Variants in RIN2 observed in about 807,000 individuals in gnomAD.
RIN2 encodes the protein Ras and Rab interactor 2.
In RIN2, 36 loss-of-function variants were observed where a neutral mutation model predicts 78.0. That is an observed-to-expected ratio of 0.46 (90% confidence interval 0.35 to 0.61). RIN2 has a LOEUF of 0.61. RIN2 is among the 20% of genes least tolerant of loss of function. The pLI is 0.00. For synonymous variants in RIN2, 466 were observed against 466.8 expected (o/e 1.00, Z 0.02); for missense variants, 1,087 against 1,159.7 (o/e 0.94, Z 0.91).
rs56187250 is a variant in RIN2, at chr20:19,849,175, A to G, written c.-36-40391A>G. 5.6e-3 allele frequency among the ~76,000 whole-genome samples: 858 copies of G among 152,332 alleles called. 5 individuals carry two copies. The highest frequency in any genetic ancestry group is 0.019 in the African/African-American group (800 of 41,558). On this transcript the variant is annotated intron_variant, in intron 2 of 12. Transcript: ENST00000255006. ...ACCACCAGATTTTGCAAATTAAAAA[A>G]AAAAAATTCTGGTTCCCTGTGAGCT...
chr20:19,949,783 G>A (rs11699866), intron 4 of RIN2, among the ~76,000 whole-genome samples: 8,925 of 152,272 alleles, frequency 0.059, 311 homozygotes, highest in African/African-American at 0.085. Flanking sequence ...TAGGGGCTGC[G>A]CTGGTAGACT....
At chr20:19,859,975 G>T (rs1419868468) in intron 2 of RIN2, among the ~76,000 whole-genome samples, 3 of 152,188 alleles carry the variant, frequency 2.0e-5, no homozygotes, top group Non-Finnish European at 4.4e-5. Flanking sequence ...ATCAAGCCTG[G>T]CACCCCTGTG....
In RIN2 at chr20:19,992,880, G is replaced by A. The variant is rs553700700; in HGVS notation, c.2200+581G>A. On this transcript the variant is annotated intron_variant, in intron 11 of 12. Coordinates refer to ENST00000255006, the MANE Select transcript of RIN2 (RefSeq NM_018993.4). ...CTTTGTTTTTATTTTTTAAAATTTC[G>A]TTTTCAAGGTGAAAACAGTATTAAT... 2.4e-4 allele frequency among the ~76,000 whole-genome samples: 36 copies of A among 151,968 alleles called. No individual in the cohort carries two copies. The South Asian group carries it at 5.6e-3, about 24-fold the overall frequency.
intron 1 of RIN2, among the ~76,000 whole-genome samples, chr20:19,760,121 C>A (rs2033575914): frequency 6.6e-6 from 1 of 152,210 alleles, no homozygotes; most frequent in Non-Finnish European, 1.5e-5. Context: ...GCCTCAGGTT[C>A]CAATATTGCC....
chr20:19,963,490 T>A (rs1002590626), intron 6 of RIN2, among the ~76,000 whole-genome samples: 3 of 151,522 alleles, frequency 2.0e-5, no homozygotes, highest in Non-Finnish European at 4.4e-5. Context: ...ATGCCTGTAA[T>A]CCCAGCTACT....
intron 10 of RIN2, 99 bp downstream of exon 10, chr20:19,990,410 T>C: frequency 8.4e-7 from 1 of 1,188,208 alleles, no homozygotes; most frequent in Non-Finnish European, 1.2e-6. Context: ...TTCTCCTCCC[T>C]TTGGTCTCTT....
intron 2 of RIN2, among the ~76,000 whole-genome samples, chr20:19,877,644 C>G (rs2037896757): frequency 6.6e-6 from 1 of 152,102 alleles, no homozygotes; most frequent in Non-Finnish European, 1.5e-5. Flanking sequence ...GCAAGTGCCA[C>G]AAGGATGTAA....
At chr20:19,824,607 T>C (rs2036028962) in intron 2 of RIN2, among the ~76,000 whole-genome samples, 1 of 152,098 alleles carries the variant, frequency 6.6e-6, no homozygotes. Flanking sequence ...AGAATGAATC[T>C]AAGGCCCCCT....
At chr20:19,910,401 C>T (rs894890829) in intron 3 of RIN2, among the ~76,000 whole-genome samples, 1 of 51,694 alleles carries the variant, frequency 1.9e-5, no homozygotes, top group Non-Finnish European at 4.6e-5. Context: ...TCGAACTCCT[C>T]ACCTCAAGTC....
intron 3 of RIN2, among the ~76,000 whole-genome samples, chr20:19,892,270 G>A (rs1465759669): frequency 6.6e-6 from 1 of 152,164 alleles, no homozygotes; most frequent in Non-Finnish European, 1.5e-5. Context: ...AGGCTGGTGT[G>A]CAGTGGTGCG....
chr20:19,779,304 A>G (rs191180969), intron 1 of RIN2, among the ~76,000 whole-genome samples: 3 of 152,324 alleles, frequency 2.0e-5, no homozygotes, highest in Admixed American at 2.0e-4. Context: ...AGATTAAAAA[A>G]AAAATCCTCC....
chr20:19,954,713 GTGTCCCTC>G (rs59980829), intron 4 of RIN2, among the ~76,000 whole-genome samples: 2 of 150,618 alleles, frequency 1.3e-5, no homozygotes, highest in African/African-American at 4.9e-5. Flanking sequence ...CCTCACCCCT[GTGTCCCTC>G]ACCCCTGTGC....
chr20:19,863,129 A>G (rs1292120509), intron 2 of RIN2, among the ~76,000 whole-genome samples: 1 of 152,210 alleles, frequency 6.6e-6, no homozygotes. Flanking sequence ...GAGGAACAGC[A>G]TGTGTGTGCA....
In RIN2 at chr20:19,970,676, G is replaced by A. The variant is rs555632116; in HGVS notation, c.537-162G>A. 2.0e-5 allele frequency among the ~76,000 whole-genome samples: 3 copies of A among 152,260 alleles called. No homozygotes were observed. In the East Asian group the frequency reaches 5.8e-4, roughly 29 times the overall value. On this transcript the variant is annotated intron_variant, in intron 7 of 12. Coordinates refer to ENST00000255006, the MANE Select transcript of RIN2 (RefSeq NM_018993.4). ...GATAATACAGACAGGAATTTTAAGT[G>A]TTAAGTTTTACCACCAGGAAAGATA...
At chr20:19,843,396 T>A (rs2036640463) in intron 2 of RIN2, among the ~76,000 whole-genome samples, 1 of 152,186 alleles carries the variant, frequency 6.6e-6, no homozygotes, top group Non-Finnish European at 1.5e-5. Context: ...TTCAATAAAT[T>A]GCCACAGCAA....
intron 2 of RIN2, among the ~76,000 whole-genome samples, chr20:19,802,969 C>CT (rs1227406885): frequency 6.6e-6 from 1 of 152,206 alleles, no homozygotes; most frequent in African/African-American, 2.4e-5. Context: ...TTTATCTTCT[C>CT]TTGTTCTCGG....
At chr20:19,768,464 C>T (rs2033982241) in intron 1 of RIN2, among the ~76,000 whole-genome samples, 1 of 152,230 alleles carries the variant, frequency 6.6e-6, no homozygotes, top group African/African-American at 2.4e-5. Context: ...CCAGCTCTCT[C>T]TGCATGCGGG....
At chr20:19,881,166 GAATTGGT>G (rs1055484230) in intron 2 of RIN2, among the ~76,000 whole-genome samples, 2 of 152,162 alleles carry the variant, frequency 1.3e-5, no homozygotes, top group African/African-American at 4.8e-5. Flanking sequence ...TGGTGACCTG[GAATTGGT>G]TCTCCCTGCT....
intron 3 of RIN2, among the ~76,000 whole-genome samples, chr20:19,898,866 A>G (rs2038856956): frequency 6.6e-6 from 1 of 152,250 alleles, no homozygotes; most frequent in Admixed American, 6.5e-5. Context: ...ACCCTCTAAT[A>G]AACAACTCTG....
Sources: gnomAD v4.1 joint callset for allele counts (sites outside exome capture counted in the v4.1 genomes callset) on GRCh38, gnomAD v4.1.1 for gene constraint, MANE v1.5 for transcripts, NCBI Gene and HGNC (gene_info 2026-07-23, HGNC 2026-07-21) for gene names.